The following PRKN variants were observed in gnomAD, a reference collection of about 807,000 sequenced individuals.
PRKN encodes E3 ubiquitin-protein ligase parkin.
A neutral mutation model predicts 59.5 loss-of-function variants in PRKN; 56 were observed. That is an observed-to-expected ratio of 0.94 (90% confidence interval 0.76 to 1.18). The LOEUF is 1.18. Among genes scored for constraint, PRKN ranks in the 50% most tolerant of loss-of-function variants. PRKN has a pLI of 0.00. For synonymous variants in PRKN, 250 were observed against 222.1 expected (o/e 1.13, Z -1.12); for missense variants, 657 against 596.4 (o/e 1.10, Z -1.06).
chr6:162,652,557 A>T lies in PRKN; in HGVS notation c.7+75105T>A, dbSNP rs368339270. ...AATATACCTGAAGTCAAAGGATTAAAAAAAGCAATACAACACAATATAAGG... is the reference window on the plus strand; with the variant it reads ...AATATACCTGAAGTCAAAGGATTAATAAAAGCAATACAACACAATATAAGG... On this transcript the variant is annotated intron_variant, in intron 1 of 11. Coordinates refer to ENST00000366898, the MANE Select transcript of PRKN (RefSeq NM_004562.3). Among the ~76,000 whole-genome samples, 33 of 152,344 alleles carry T rather than the reference A, an allele frequency of 2.2e-4. No individual in the cohort carries two copies. The East Asian group carries it at 4.6e-3, about 21-fold the overall frequency.
chr6:162,531,658 C>T (rs1385698145), intron 1 of PRKN, among the ~76,000 whole-genome samples: 2 of 152,106 alleles, frequency 1.3e-5, no homozygotes, highest in African/African-American at 2.4e-5. Context: ...AAGCACTGAT[C>T]TTAGAGGCAG....
At chr6:161,716,321 A>G (rs1786976151) in intron 7 of PRKN, among the ~76,000 whole-genome samples, 1 of 152,170 alleles carries the variant, frequency 6.6e-6, no homozygotes, top group Admixed American at 6.5e-5. Flanking sequence ...TTTATTTCCA[A>G]CATGCCACTG....
At chr6:161,656,054 G>A (rs1223923648) in intron 7 of PRKN, among the ~76,000 whole-genome samples, 1 of 152,172 alleles carries the variant, frequency 6.6e-6, no homozygotes, top group Admixed American at 6.5e-5. Context: ...GGAGACAGCC[G>A]AGGTAGCCCG....
At chr6:161,661,096 C>T (rs947406454) in intron 7 of PRKN, among the ~76,000 whole-genome samples, 1 of 152,184 alleles carries the variant, frequency 6.6e-6, no homozygotes, top group African/African-American at 2.4e-5. Context: ...TGGGTTAGCA[C>T]AAGAGACTTC....
chr6:161,723,590 G>A (rs186384216), intron 7 of PRKN, among the ~76,000 whole-genome samples: 1 of 152,142 alleles, frequency 6.6e-6, no homozygotes, highest in Admixed American at 6.5e-5. Flanking sequence ...TCAAACTCAG[G>A]GATGAAAGAA....
At chr6:162,404,473 T>C (rs1787963634) in intron 2 of PRKN, among the ~76,000 whole-genome samples, 1 of 152,196 alleles carries the variant, frequency 6.6e-6, no homozygotes, top group East Asian at 1.9e-4. Flanking sequence ...TCTAGAAATT[T>C]GCCAAATACC....
At chr6:162,653,047 GATTTGAAGAT>G (rs564406544) in intron 1 of PRKN, among the ~76,000 whole-genome samples, 145 of 152,256 alleles carry the variant, frequency 9.5e-4, no homozygotes, top group African/African-American at 3.4e-3. Context: ...GTCAATCAAT[GATTTGAAGAT>G]ATTTTATTAC....
intron 4 of PRKN, among the ~76,000 whole-genome samples, chr6:162,184,427 G>A (rs1306244783): frequency 6.6e-6 from 1 of 152,162 alleles, no homozygotes; most frequent in South Asian, 2.1e-4. Flanking sequence ...CTGGTGGGAG[G>A]TAACTGAATC....
rs906575354 is a variant in PRKN, at chr6:161,396,718, T to C, written c.1084-9841A>G. The stretch of plus-strand genomic sequence containing the variant: ...GTAAAAATGTGAAATCCAAGCCATA[T>C]GGCAATTTGAGCCCAATTTGTCCCA... On this transcript the variant is annotated intron_variant, in intron 9 of 11. Coordinates refer to ENST00000366898, the MANE Select transcript of PRKN (RefSeq NM_004562.3). The surrounding 1 kb of genome is among the most constrained non-coding windows in gnomAD (Gnocchi z 5.4). Among the ~76,000 whole-genome samples, 3 of 152,188 alleles carry C rather than the reference T, an allele frequency of 2.0e-5. No individual in the cohort carries two copies. Among genetic ancestry groups the C allele is most frequent in the Non-Finnish European group, 4.4e-5 (3 of 68,044 alleles).
In PRKN at chr6:162,371,612, G is replaced by A. The variant is rs180985019; in HGVS notation, c.171+71698C>T. Among the ~76,000 whole-genome samples the A allele has an allele frequency of 3.9e-5, 6 of 152,164 alleles. 1 individual carries two copies. Among genetic ancestry groups the A allele is most frequent in the East Asian group, 3.9e-4 (2 of 5,172 alleles). ...GACCAAATAAAATAACACAATTAAG[G>A]TGTTATCTGGTATATAATAACCATT... On this transcript the variant is annotated intron_variant, in intron 2 of 11. Transcript: ENST00000366898.
chr6:161,570,140 A>ATATATAT (rs1358601920), intron 7 of PRKN, among the ~76,000 whole-genome samples: 11 of 133,396 alleles, frequency 8.2e-5, no homozygotes, highest in African/African-American at 2.4e-4. Flanking sequence ...AAAAAAAAAA[A>ATATATAT]AAAAAAATAT....
At chr6:162,163,011 AAAAT>A (rs201806049) in intron 4 of PRKN, among the ~76,000 whole-genome samples, 1,929 of 149,080 alleles carry the variant, frequency 0.013, 232 homozygotes, top group African/African-American at 0.047. Flanking sequence ...CTGTCTCAAA[AAAAT>A]AAATAAATAA....
At chr6:161,845,929 G>A (rs1044170746) in intron 6 of PRKN, among the ~76,000 whole-genome samples, 3 of 152,160 alleles carry the variant, frequency 2.0e-5, no homozygotes, top group South Asian at 4.1e-4. Context: ...AATGGACACC[G>A]TGTGCCAACT....
At chr6:161,585,507 A>C (rs1173129579) in intron 7 of PRKN, among the ~76,000 whole-genome samples, 1 of 152,212 alleles carries the variant, frequency 6.6e-6, no homozygotes, top group African/African-American at 2.4e-5. Context: ...TCTAAACGCC[A>C]AATAGAGTCT....
chr6:161,678,501 T>C (rs1242195647), intron 7 of PRKN, among the ~76,000 whole-genome samples: 1 of 151,646 alleles, frequency 6.6e-6, no homozygotes, highest in Non-Finnish European at 1.5e-5. Flanking sequence ...TAAATACAGG[T>C]CATATATCAA....
chr6:161,811,119 G>A (rs1791540348), intron 6 of PRKN, among the ~76,000 whole-genome samples: 1 of 152,140 alleles, frequency 6.6e-6, no homozygotes, highest in African/African-American at 2.4e-5. Flanking sequence ...GAAATATAAT[G>A]ATCTGTATTA....
intron 1 of PRKN, among the ~76,000 whole-genome samples, chr6:162,475,579 GC>G (rs1302985521): frequency 4.6e-5 from 5 of 109,204 alleles, no homozygotes; most frequent in African/African-American, 1.6e-4. Flanking sequence ...GTGTGTGTGT[GC>G]ATGAGTGTGT....
chr6:161,810,881 G>A (rs551342578), intron 6 of PRKN, among the ~76,000 whole-genome samples: 1 of 152,206 alleles, frequency 6.6e-6, no homozygotes, highest in South Asian at 2.1e-4. Context: ...CTTTACCTGG[G>A]GAACTTGAGG....
intron 5 of PRKN, among the ~76,000 whole-genome samples, chr6:162,025,135 C>T (rs896958503): frequency 6.6e-6 from 1 of 151,516 alleles, no homozygotes; most frequent in Non-Finnish European, 1.5e-5. Flanking sequence ...CCTGCCTCAG[C>T]CTCCCGAGTA....
Sources: allele counts gnomAD v4.1 joint callset (sites outside exome capture counted in the v4.1 genomes callset), GRCh38; gene constraint gnomAD v4.1.1; non-coding constraint Gnocchi (gnomAD v3.1); transcripts MANE v1.5; gene names NCBI Gene and HGNC (gene_info 2026-07-23, HGNC 2026-07-21).